The following GLDC variants were observed in gnomAD, a reference collection of about 807,000 sequenced individuals.
GLDC encodes the protein glycine decarboxylase, also known as glycine dehydrogenase (decarboxylating), mitochondrial.
GLDC carries 104 observed loss-of-function variants against 121.3 expected under a neutral mutation model. That is an observed-to-expected ratio of 0.86 (90% CI 0.73 to 1.01). GLDC has a LOEUF of 1.01. Among genes scored for constraint, GLDC ranks in the 50% least tolerant of loss-of-function variants. The probability of loss-of-function intolerance (pLI) is 0.00; values close to 1 mark genes in which losing one functional copy is unlikely to be tolerated. For missense variants in GLDC, 1,429 were observed against 1,306.6 expected (o/e 1.09, Z -1.44); for synonymous variants, 546 against 480.6 (o/e 1.14, Z -1.78).
chr9:6,561,700 A>T (rs899238297), intron 16 of GLDC, among the ~76,000 whole-genome samples: 2 of 152,186 alleles, frequency 1.3e-5, no homozygotes, highest in Non-Finnish European at 2.9e-5. Flanking sequence ...CACGACCCAG[A>T]TTTGAAGTTT....
chr9:6,556,580 G>A (rs1210706307), intron 17 of GLDC, among the ~76,000 whole-genome samples: 2 of 152,128 alleles, frequency 1.3e-5, no homozygotes, highest in Non-Finnish European at 2.9e-5. Context: ...ATCACCTAAG[G>A]TCAAGAATTC....
At chr9:6,579,020 AATC>A (rs2129804580) in intron 15 of GLDC, among the ~76,000 whole-genome samples, 1 of 152,310 alleles carries the variant, frequency 6.6e-6, no homozygotes, top group East Asian at 1.9e-4. Flanking sequence ...TTTGTTAAGA[AATC>A]ATTTATTTCT....
chr9:6,556,090 T>C, intron 18 of GLDC, 63 bp downstream of exon 18: 1 of 1,445,570 alleles, frequency 6.9e-7, no homozygotes, highest in South Asian at 1.2e-5. Context: ...GTCAGAATTT[T>C]TTTTTTTTTC....
Position 6,558,571 on chromosome 9 carries a change from G to A in GLDC, c.2040C>T (p.His680=). 1 of 1,614,172 alleles carries A rather than the reference G, an allele frequency of 6.2e-7. No homozygotes were observed. Among genetic ancestry groups the A allele is most frequent in the Non-Finnish European group, 8.5e-7 (1 of 1,180,040 alleles). The stretch of plus-strand genomic sequence containing the variant: ...AGAAGACAAGTACCATGGCCTTGAG[G>A]TGAACTGCATCGATATTCCCATATT... The part of the protein sequence containing the change: ...VDKYGNIDAV[H]LKAMVDKHKE... The change falls in exon 17 of 25, where the codon CAC becomes CAT. Residue 680 remains histidine (H), a synonymous_variant. Transcript: ENST00000321612.
intron 20 of GLDC, among the ~76,000 whole-genome samples, chr9:6,553,016 C>T (rs1165788878): frequency 2.6e-5 from 4 of 151,970 alleles, no homozygotes; most frequent in African/African-American, 2.4e-5. Context: ...GCTTTTCACT[C>T]GGAAGGGGCT....
chr9:6,599,043 G>C (rs552050220), intron 8 of GLDC, among the ~76,000 whole-genome samples: 6 of 152,126 alleles, frequency 3.9e-5, no homozygotes, highest in African/African-American at 1.4e-4. Flanking sequence ...TATTAGCCAG[G>C]CATGGTCGTG....
chr9:6,610,737 C>G (rs2129918065), intron 3 of GLDC, among the ~76,000 whole-genome samples: 1 of 152,218 alleles, frequency 6.6e-6, no homozygotes, highest in African/African-American at 2.4e-5. Context: ...GTGGCTGGGA[C>G]AACAAGCACA....
At chr9:6,611,483 G>A (rs10120668) in intron 3 of GLDC, among the ~76,000 whole-genome samples, 4,919 of 152,062 alleles carry the variant, frequency 0.032, 256 homozygotes, top group African/African-American at 0.11. Context: ...TTGAACCCGC[G>A]GGGCGGAGGT....
intron 2 of GLDC, among the ~76,000 whole-genome samples, chr9:6,637,885 C>T (rs762120847): frequency 6.0e-5 from 9 of 150,136 alleles, no homozygotes; most frequent in African/African-American, 9.8e-5. Context: ...TTCAAAGAGA[C>T]AGGATGTTGC....
At chr9:6,548,295 T>G (rs1299716504) in intron 21 of GLDC, among the ~76,000 whole-genome samples, 1 of 152,234 alleles carries the variant, frequency 6.6e-6, no homozygotes, top group Non-Finnish European at 1.5e-5. Context: ...ACATTATTTA[T>G]GTAATCTGAT....
At chr9:6,565,628 C>T (rs1391837104) in intron 15 of GLDC, 199 bp from the exon 16 acceptor site, 1 of 659,554 alleles carries the variant, frequency 1.5e-6, no homozygotes, top group Non-Finnish European at 2.8e-6. Flanking sequence ...CAACAGCATC[C>T]AGTTTGTGCA....
At chr9:6,612,746 C>A (rs890850725) in intron 3 of GLDC, among the ~76,000 whole-genome samples, 3 of 152,138 alleles carry the variant, frequency 2.0e-5, no homozygotes, top group Non-Finnish European at 2.9e-5. Flanking sequence ...CTTGTAGTCC[C>A]AGCTACTTGG....
At chr9:6,602,400 G>A (rs1051622943) in intron 7 of GLDC, among the ~76,000 whole-genome samples, 195 bp from the exon 8 acceptor site, 3 of 148,310 alleles carry the variant, frequency 2.0e-5, no homozygotes, top group Admixed American at 6.7e-5. Flanking sequence ...TTTTTGAGAC[G>A]GAGTTTCGCT....
intron 16 of GLDC, among the ~76,000 whole-genome samples, chr9:6,559,935 T>C (rs898393074): frequency 1.3e-5 from 2 of 152,072 alleles, no homozygotes; most frequent in Admixed American, 6.5e-5. Flanking sequence ...AGCAGAAACA[T>C]GGACAAGGGG....
At chr9:6,592,107 G>A in intron 11 of GLDC, 36 bp downstream of exon 11, 2 of 1,284,790 alleles carry the variant, frequency 1.6e-6, no homozygotes, top group South Asian at 2.4e-5. Context: ...ACCTCCAATA[G>A]TTATGATGAG....
chr9:6,625,854 C>A (rs2129969046), intron 2 of GLDC, among the ~76,000 whole-genome samples: 1 of 150,342 alleles, frequency 6.7e-6, no homozygotes, highest in East Asian at 2.0e-4. Flanking sequence ...AGGATCTCAC[C>A]CAAAGGAAGG....
In GLDC at chr9:6,533,006, G is replaced by C. The variant is rs753397431; in HGVS notation, c.*11C>G. ...GCATCAAATCAGTCCTTTAAACTTA[G>C]GGACAGAGGACTAAGAAGACGCCCT... On this transcript the variant is annotated 3_prime_UTR_variant, in exon 25 of 25. Transcript: ENST00000321612. The C allele has an allele frequency of 6.3e-7, 1 of 1,589,658 alleles. No individual in the cohort carries two copies. The highest frequency in any genetic ancestry group is 2.2e-5 in the East Asian group (1 of 44,736).
At chr9:6,549,516 C>T (rs1817465670) in intron 21 of GLDC, among the ~76,000 whole-genome samples, 1 of 152,130 alleles carries the variant, frequency 6.6e-6, no homozygotes, top group African/African-American at 2.4e-5. Flanking sequence ...ACCAGGCACC[C>T]AACTTCTCCC....
intron 2 of GLDC, among the ~76,000 whole-genome samples, chr9:6,631,447 C>T (rs1374775790): frequency 6.6e-6 from 1 of 152,188 alleles, no homozygotes; most frequent in Admixed American, 6.5e-5. Flanking sequence ...GATGATATGT[C>T]TTGTTATTTT....
Sources: gnomAD v4.1 joint callset for allele counts (sites outside exome capture counted in the v4.1 genomes callset) on GRCh38, gnomAD v4.1.1 for gene constraint, MANE v1.5 for transcripts, NCBI Gene and HGNC (gene_info 2026-07-23, HGNC 2026-07-21) for gene names.